Variants in PAK2 observed in about 807,000 individuals in gnomAD.
The protein encoded by PAK2 is p21 (RAC1) activated kinase 2.
A neutral mutation model predicts 65.9 loss-of-function variants in PAK2; 21 were observed. That is an observed-to-expected ratio of 0.32 (90% confidence interval 0.23 to 0.46). PAK2 has a LOEUF of 0.46. Ranked by LOEUF, PAK2 falls within the 20% of genes least tolerant of loss-of-function variation. PAK2 has a pLI of 1.00. For synonymous variants in PAK2, 204 were observed against 219.7 expected, an observed-to-expected ratio of 0.93 and a Z score of 0.63; for missense variants, 324 against 642.6, an observed-to-expected ratio of 0.50 and a Z score of 5.36.
chr3:196,806,537 C>G (rs1429601053), intron 5 of PAK2, 42 bp from the exon 6 acceptor site: 1 of 1,203,162 alleles, frequency 8.3e-7, no homozygotes, highest in East Asian at 2.3e-5. Flanking sequence ...GCATTTAAGC[C>G]TATTGGACTT....
rs534389401 is a variant in PAK2, at chr3:196,797,419, C to T, written c.188-4508C>T. On this transcript the variant is annotated intron_variant, in intron 2 of 14. Coordinates refer to ENST00000327134, the MANE Select transcript of PAK2 (RefSeq NM_002577.4). Reference sequence around the variant, plus strand: ...CAGAGGCTGCAGTGAGCTGAGGTTGCGCCACTGCACACCAGCCTGGGCGAC... The same window carrying T: ...CAGAGGCTGCAGTGAGCTGAGGTTGTGCCACTGCACACCAGCCTGGGCGAC... 1.5e-4 allele frequency among the ~76,000 whole-genome samples: 23 copies of T among 151,648 alleles called. No homozygotes were observed. The South Asian group carries it at 2.5e-3, about 16-fold the overall frequency.
At chr3:196,773,306 A>G (rs1030537636) in intron 1 of PAK2, among the ~76,000 whole-genome samples, 4 of 152,220 alleles carry the variant, frequency 2.6e-5, no homozygotes, top group African/African-American at 9.6e-5. Context: ...AGCAAAACAT[A>G]AGGTAAATCA....
At chr3:196,814,128 T>TGGA (rs1437139084) in intron 10 of PAK2, among the ~76,000 whole-genome samples, 1 of 152,144 alleles carries the variant, frequency 6.6e-6, no homozygotes, top group Non-Finnish European at 1.5e-5. Context: ...GATGAGTCAC[T>TGGA]TCACCTCTCC....
chr3:196,767,483 T>TTTTGTTTGTTTG (rs57659732), intron 1 of PAK2, among the ~76,000 whole-genome samples: 1 of 151,924 alleles, frequency 6.6e-6, no homozygotes, highest in Admixed American at 6.6e-5. Context: ...AATACATGTT[T>TTTTGTTTGTTTG]TTTGTTTGTT....
intron 1 of PAK2, among the ~76,000 whole-genome samples, chr3:196,759,972 C>T (rs1193708493): frequency 6.6e-6 from 1 of 152,162 alleles, no homozygotes; most frequent in Non-Finnish European, 1.5e-5. Context: ...CCAAATACCA[C>T]TAATCTATTT....
rs751583784 is a variant in PAK2 at position 196,789,684 on chromosome 3, C to T, written c.187+6851C>T. ...TTCACCATGTTGACCAGGCTGGTCT[C>T]GAACTCCTGACCTCAGGTGATCTGC... On this transcript the variant is annotated intron_variant, in intron 2 of 14. Transcript: ENST00000327134. Among the ~76,000 whole-genome samples the T allele has an allele frequency of 1.4e-3, 211 of 152,180 alleles. 1 individual carries two copies. Among genetic ancestry groups the T allele is most frequent in the Non-Finnish European group, 2.1e-3 (146 of 68,012 alleles).
rs542728229 is a variant in PAK2 at position 196,809,876 on chromosome 3, A to C, written c.710-714A>C. Among the ~76,000 whole-genome samples, 9 of 152,104 alleles carry C rather than the reference A, an allele frequency of 5.9e-5. No individual in the cohort carries two copies. In the East Asian group the frequency reaches 1.7e-3, roughly 29 times the overall value. On this transcript the variant is annotated intron_variant, in intron 7 of 14. Transcript: ENST00000327134. ...TTTTACCTTGAGCAAGTGAAAGTTT[A>C]ATGTGGTTTTTCTTACTAGTAATAA...
chr3:196,807,716 G>T, intron 6 of PAK2, 66 bp from the exon 7 acceptor site: 1 of 913,420 alleles, frequency 1.1e-6, no homozygotes, highest in Non-Finnish European at 1.7e-6. Flanking sequence ...AACTGAATTA[G>T]TTTGCCAGGA....
In PAK2 at chr3:196,783,597, G is replaced by A. The variant is rs898051214; in HGVS notation, c.187+764G>A. On this transcript the variant is annotated intron_variant, in intron 2 of 14. Coordinates refer to ENST00000327134, the MANE Select transcript of PAK2 (RefSeq NM_002577.4). Reference sequence around the variant, plus strand: ...ACTCTCTCAAAAAAAAAAAAAAAAAGTGTACGTATATATATGTGTATATAA... The same window carrying A: ...ACTCTCTCAAAAAAAAAAAAAAAAAATGTACGTATATATATGTGTATATAA... Among the ~76,000 whole-genome samples, 34 of 134,354 alleles carry A rather than the reference G, an allele frequency of 2.5e-4. No homozygotes were observed. The South Asian group carries it at 4.4e-3, about 17-fold the overall frequency. 88.1% of individuals were successfully genotyped at this position (134,354 alleles called of 152,430 possible).
intron 1 of PAK2, among the ~76,000 whole-genome samples, chr3:196,779,939 G>A (rs1714653523): frequency 6.6e-6 from 1 of 152,234 alleles, no homozygotes; most frequent in Non-Finnish European, 1.5e-5. Flanking sequence ...CTAAAGTGTG[G>A]CGTGAGCCAC....
intron 12 of PAK2, among the ~76,000 whole-genome samples, chr3:196,818,802 T>C (rs1294288564): frequency 6.6e-6 from 1 of 152,208 alleles, no homozygotes; most frequent in Non-Finnish European, 1.5e-5. Context: ...TAACCTTGGA[T>C]AAGTTGTCTT....
intron 6 of PAK2, among the ~76,000 whole-genome samples, chr3:196,807,242 A>C (rs1165877366): frequency 6.6e-6 from 1 of 152,100 alleles, no homozygotes; most frequent in Non-Finnish European, 1.5e-5. Flanking sequence ...TGTGCCGTGG[A>C]ATGGGCTGTG....
Position 196,791,305 on chromosome 3 carries a change from T to G in PAK2, c.187+8472T>G, listed in dbSNP as rs541033367. Reference sequence around the variant, plus strand: ...AAAATACAGAGAGTACCTGTATGTGTGTTATGTAAAAACAAATGGCATTGA... The same window carrying G: ...AAAATACAGAGAGTACCTGTATGTGGGTTATGTAAAAACAAATGGCATTGA... On this transcript the variant is annotated intron_variant, in intron 2 of 14. Coordinates refer to ENST00000327134, the MANE Select transcript of PAK2 (RefSeq NM_002577.4). The surrounding 1 kb of genome is among the most constrained non-coding windows in gnomAD (Gnocchi z 4.0). Among the ~76,000 whole-genome samples the G allele has an allele frequency of 4.6e-5, 7 of 152,332 alleles. No individual in the cohort carries two copies. The South Asian group carries it at 1.4e-3, about 32-fold the overall frequency.
chr3:196,781,832 C>T (rs977759095), intron 1 of PAK2, among the ~76,000 whole-genome samples: 11 of 151,954 alleles, frequency 7.2e-5, no homozygotes, highest in African/African-American at 1.5e-4. Flanking sequence ...GGCTGGATGC[C>T]GTGGCTCACA....
chr3:196,806,748 T>C, intron 6 of PAK2, 62 bp downstream of exon 6: 2 of 982,286 alleles, frequency 2.0e-6, no homozygotes, highest in Non-Finnish European at 3.3e-6. Flanking sequence ...AATAGCAGAG[T>C]TTGTATTTGA....
At chr3:196,811,477 G>A (rs1463941517) in intron 8 of PAK2, among the ~76,000 whole-genome samples, 4 of 139,780 alleles carry the variant, frequency 2.9e-5, no homozygotes, top group African/African-American at 1.1e-4. Flanking sequence ...TGCCTCCCGG[G>A]TTCAAACGAT....
chr3:196,808,835 T>G (rs1382037606), intron 7 of PAK2, among the ~76,000 whole-genome samples: 1 of 152,136 alleles, frequency 6.6e-6, no homozygotes, highest in East Asian at 1.9e-4. Context: ...CACTCCAGCC[T>G]GGGCGAAAGA....
Position 196,777,479 on chromosome 3 carries a change from C to T in PAK2, c.-21-5147C>T, listed in dbSNP as rs902033007. On this transcript the variant is annotated intron_variant, in intron 1 of 14. Transcript: ENST00000327134. ...TTGGCCTCCCAAAGTGCTGAGATTA[C>T]AGGCGCGAGCCAACATGCCCAGCCA... Among the ~76,000 whole-genome samples, 5 of 152,342 alleles carry T rather than the reference C, an allele frequency of 3.3e-5. No individual in the cohort carries two copies. In the East Asian group the frequency reaches 9.6e-4, roughly 29 times the overall value.
intron 2 of PAK2, among the ~76,000 whole-genome samples, chr3:196,790,194 T>G (rs971900972): frequency 6.6e-6 from 1 of 152,168 alleles, no homozygotes; most frequent in African/African-American, 2.4e-5. Context: ...TTTCTTTTAT[T>G]TGTTTGTTTA....
Sources: allele counts gnomAD v4.1 joint callset (sites outside exome capture counted in the v4.1 genomes callset), GRCh38; gene constraint gnomAD v4.1.1; non-coding constraint Gnocchi (gnomAD v3.1); transcripts MANE v1.5; gene names NCBI Gene and HGNC (gene_info 2026-07-23, HGNC 2026-07-21).